The following GRK6 variants were observed in gnomAD, a reference collection of about 807,000 sequenced individuals.
GRK6 encodes the protein G protein-coupled receptor kinase 6.
GRK6 carries 37 observed loss-of-function variants against 80.8 expected under a neutral mutation model. The observed-to-expected ratio is 0.46, with a 90% confidence interval of 0.35 to 0.60. The LOEUF (loss-of-function observed/expected upper bound fraction) is 0.60, where lower values mean the gene tolerates loss of function less well. Ranked by LOEUF, GRK6 falls within the 20% of genes least tolerant of loss-of-function variation. The pLI is 0.00. For missense variants in GRK6, 560 were observed against 784.6 expected (o/e 0.71, Z 3.42); for synonymous variants, 295 against 320.9 (o/e 0.92, Z 0.86).
At position 177,441,012 on chromosome 5, in the gene GRK6, C is replaced by T; in HGVS notation, c.1636C>T (p.Pro546Ser). Residue 546 changes from proline to serine, a missense_variant, in exon 15 of 16, where the codon CCT becomes TCT. Coordinates refer to ENST00000355472, the MANE Select transcript of GRK6 (RefSeq NM_001004106.3). Reference protein sequence around the residue: ...DLDWKGQPPAPPKKGLLQRLF... With the variant: ...DLDWKGQPPASPKKGLLQRLF... ...GGACTGGAAGGGCCAGCCACCTGCACCTCCTAAAAAGGGACTGCTGCAGAG... is the reference window on the plus strand; with the variant it reads ...GGACTGGAAGGGCCAGCCACCTGCATCTCCTAAAAAGGGACTGCTGCAGAG... 1 of 1,614,062 alleles carries T rather than the reference C, an allele frequency of 6.2e-7. No individual in the cohort carries two copies. The highest frequency in any genetic ancestry group is 1.3e-5 in the African/African-American group (1 of 75,062).
intron 13 of GRK6, chr5:177,438,993 CTT>C (rs1764320179): frequency 1.3e-5 from 2 of 152,244 alleles, no homozygotes; most frequent in South Asian, 4.1e-4. Flanking sequence ...GAGAGCCTGA[CTT>C]TCATCAGCTC....
chr5:177,436,334 T>TTGCCGC, intron 12 of GRK6, 53 bp downstream of exon 12: 1 of 1,556,032 alleles, frequency 6.4e-7, no homozygotes, highest in Non-Finnish European at 8.8e-7. Context: ...GATGCACCTT[T>TTGCCGC]CCCTCCCTCC....
chr5:177,442,192 C>CA lies in GRK6; in HGVS notation c.*403dup, dbSNP rs1021336744. On this transcript the variant is annotated 3_prime_UTR_variant, in exon 16 of 16. Transcript: ENST00000355472. ...TGCCAAACTCAAGGCTCCTCTGGCC[C>CA]AGCTTGGATGGCTGAGGGTGGTCAC... 6.1e-5 allele frequency: 15 copies of CA among 246,478 alleles called. No individual in the cohort carries two copies. The highest frequency in any genetic ancestry group is 8.7e-5 in the Non-Finnish European group (11 of 126,816). The allele number at this position is 246,478 out of a possible 1,614,324, so 15.3% of individuals were successfully genotyped here. A position where few individuals can be genotyped will look rare whatever the true frequency, so the allele number is the denominator to read the frequency against.
Position 177,429,453 on chromosome 5 carries a change from G to A in GRK6, c.53-1419G>A, listed in dbSNP as rs910783676. Among the ~76,000 whole-genome samples the A allele has an allele frequency of 5.3e-5, 8 of 152,164 alleles. No individual in the cohort carries two copies. The highest frequency in any genetic ancestry group is 9.7e-5 in the African/African-American group (4 of 41,434). ...GGTTGGGTGAGGGACCTGTGGGTGT[G>A]GGGGAGGAGTTCCCCTTCTGGGAAG... On this transcript the variant is annotated intron_variant, in intron 1 of 15. Coordinates refer to ENST00000355472, the MANE Select transcript of GRK6 (RefSeq NM_001004106.3). This position sits in a 1 kb window ranked among gnomAD's most constrained non-coding sequence, Gnocchi z 4.3.
In GRK6 at chr5:177,428,421, C is replaced by T. The variant is rs183467754; in HGVS notation, c.52+1524C>T. On this transcript the variant is annotated intron_variant, in intron 1 of 15. Transcript: ENST00000355472. This position sits in a 1 kb window ranked among gnomAD's most constrained non-coding sequence, Gnocchi z 4.1. ...GAACCCTTACGACAACCTGGCTCTG[C>T]CCCTCCCACCTGCATGGCTTTTTTT... Among the ~76,000 whole-genome samples, 246 of 152,332 alleles carry T rather than the reference C, an allele frequency of 1.6e-3. 1 individual carries two copies. Among genetic ancestry groups the T allele is most frequent in the South Asian group, 5.0e-3 (24 of 4,826 alleles).
Position 177,434,033 on chromosome 5 carries a change from G to A in GRK6, c.858G>A (p.Ala286=), listed in dbSNP as rs768994776. The A allele has an allele frequency of 4.0e-5, 65 of 1,611,730 alleles. No homozygotes were observed. The highest frequency in any genetic ancestry group is 1.6e-4 in the Middle Eastern group (1 of 6,076). Residue 286 remains alanine (A), a synonymous_variant, in exon 9 of 16, where the codon GCG becomes GCA. Transcript: ENST00000355472. The part of the protein sequence containing the change: ...YHMGQAGFPE[A]RAVFYAAEIC... ...TGGGCCAGGCTGGCTTCCCCGAAGC[G>A]CGGGCCGTCTTCTACGCCGCCGAGA...
At position 177,430,900 on chromosome 5, in the gene GRK6, C is replaced by T. The variant is rs776129068; in HGVS notation, c.81C>T (p.Ser27=). The change falls in exon 2 of 16, where the codon AGC becomes AGT. Residue 27 remains serine, a synonymous_variant. Coordinates refer to ENST00000355472, the MANE Select transcript of GRK6 (RefSeq NM_001004106.3). ...GCGGTGGAAATCGCAAAGGCAAAAGCAAGAAATGGCGGCAGATGCTCCAGT... is the reference window on the plus strand; with the variant it reads ...GCGGTGGAAATCGCAAAGGCAAAAGTAAGAAATGGCGGCAGATGCTCCAGT... ...EGGGGNRKGK[S]KKWRQMLQFP... The T allele has an allele frequency of 1.9e-6, 3 of 1,614,116 alleles. No homozygotes were observed. In the South Asian group the frequency reaches 3.3e-5, roughly 18 times the overall value.
rs186690107 is a variant in GRK6, at chr5:177,442,610, A to G, written c.*820A>G. Reference sequence around the variant, plus strand: ...GGACTCCCCTCATAACAATAGACACATGTGCCCAGCAATAATCCGCCCCTT... The same window carrying G: ...GGACTCCCCTCATAACAATAGACACGTGTGCCCAGCAATAATCCGCCCCTT... On this transcript the variant is annotated 3_prime_UTR_variant, in exon 16 of 16. Transcript: ENST00000355472. 695 of 152,746 alleles carry G rather than the reference A, an allele frequency of 4.6e-3. 1 individual carries two copies. Among genetic ancestry groups the G allele is most frequent in the Non-Finnish European group, 8.6e-3 (587 of 68,150 alleles). 9.5% of individuals were successfully genotyped at this position (152,746 alleles called of 1,614,324 possible). A position where few individuals can be genotyped will look rare whatever the true frequency, so the allele number is the denominator to read the frequency against.
chr5:177,430,421 C>T (rs1218755484), intron 1 of GRK6, among the ~76,000 whole-genome samples: 1 of 152,182 alleles, frequency 6.6e-6, no homozygotes, highest in Non-Finnish European at 1.5e-5. Context: ...TGATGTGGGG[C>T]CTGGTGATAG....
rs1415034027 is a variant in GRK6 at position 177,428,961 on chromosome 5, G to T, written c.53-1911G>T. 6.6e-6 allele frequency among the ~76,000 whole-genome samples: 1 copy of T among 152,132 alleles called. No homozygotes were observed. Among genetic ancestry groups the T allele is most frequent in the Non-Finnish European group, 1.5e-5 (1 of 68,018 alleles). On this transcript the variant is annotated intron_variant, in intron 1 of 15. Transcript: ENST00000355472. The surrounding 1 kb of genome is among the most constrained non-coding windows in gnomAD (Gnocchi z 4.1). ...CAGGTGGGGTTTGGGAACCCTTGGT[G>T]TGTGTATACAGTTGGCACCTAATAG... is the stretch of plus-strand genomic sequence containing the variant.
At chr5:177,434,487 G>A (rs1373852406) in intron 9 of GRK6, among the ~76,000 whole-genome samples, 1 of 152,228 alleles carries the variant, frequency 6.6e-6, no homozygotes, top group African/African-American at 2.4e-5. Flanking sequence ...AGAGTGCCTG[G>A]CACATGGGGC....
chr5:177,433,117 G>A lies in GRK6; in HGVS notation c.441-30G>A, dbSNP rs367877075. On this transcript the variant is annotated intron_variant, in intron 5 of 15. Coordinates refer to ENST00000355472, the MANE Select transcript of GRK6 (RefSeq NM_001004106.3). ...AGAGCCTGAGGTGTCAGGGGCTGGC[G>A]GGTGAGCTGGGCCTGCCTTTCCTCA... The A allele has an allele frequency of 1.6e-4, 247 of 1,587,170 alleles. 1 individual carries two copies. Among genetic ancestry groups the A allele is most frequent in the Admixed American group, 1.1e-3 (68 of 59,968 alleles).
At chr5:177,437,599 C>T (rs1764222211) in intron 13 of GRK6, among the ~76,000 whole-genome samples, 1 of 152,222 alleles carries the variant, frequency 6.6e-6, no homozygotes. Context: ...CTCACTTAAG[C>T]TCACCGTGGA....
At chr5:177,433,819 G>T (rs948089576) in intron 8 of GRK6, 95 bp from the exon 9 acceptor site, 3 of 1,491,880 alleles carry the variant, frequency 2.0e-6, no homozygotes, top group Non-Finnish European at 2.7e-6. Flanking sequence ...AGCAGGCTGG[G>T]CCCAAGGAGT....
Position 177,441,212 on chromosome 5 carries a change from T to G in GRK6, c.1677+159T>G, listed in dbSNP as rs201908732. ...CTCATTCCCGCCTGTCCCCCACCCC[T>G]GGCTGGGCTCATGGCCTCTTTTCTC... On this transcript the variant is annotated intron_variant, in intron 15 of 15. Coordinates refer to ENST00000355472, the MANE Select transcript of GRK6 (RefSeq NM_001004106.3). The G allele has an allele frequency of 6.0e-4, 900 of 1,498,294 alleles. 1 individual carries two copies. The African/African-American group carries it at 0.011, about 18-fold the overall frequency. The allele number at this position is 1,498,294 out of a possible 1,614,324, so 92.8% of individuals were successfully genotyped here. A position where few individuals can be genotyped will look rare whatever the true frequency, so the allele number is the denominator to read the frequency against.
rs1482136583 is a variant in GRK6 at position 177,435,145 on chromosome 5, C to G, written c.1057+24C>G. ...GGGTGAGTCTTCTCTGCCCGGCCCACTAGCCTCCTGGGTTCCCTCACTATC... is the reference window on the plus strand; with the variant it reads ...GGGTGAGTCTTCTCTGCCCGGCCCAGTAGCCTCCTGGGTTCCCTCACTATC... On this transcript the variant is annotated intron_variant, in intron 11 of 15. Transcript: ENST00000355472. 4.5e-6 allele frequency: 7 copies of G among 1,554,138 alleles called. No individual in the cohort carries two copies. In the African/African-American group the frequency reaches 6.8e-5, roughly 15 times the overall value.
At chr5:177,434,964 TCAGGG>T in intron 10 of GRK6, 25 bp downstream of exon 10, 1 of 1,439,068 alleles carries the variant, frequency 6.9e-7, no homozygotes, top group East Asian at 2.3e-5. Flanking sequence ...CTGGGGTGGG[TCAGGG>T]TGGGGTGAGA....
chr5:177,427,562 A>G (rs1763724382), intron 1 of GRK6, among the ~76,000 whole-genome samples: 1 of 152,176 alleles, frequency 6.6e-6, no homozygotes, highest in Non-Finnish European at 1.5e-5. Flanking sequence ...AGTCTGGTGG[A>G]CCGAGTGTGT....
At chr5:177,433,863 G>T (rs746550425) in intron 8 of GRK6, 51 bp from the exon 9 acceptor site, 17 of 1,510,154 alleles carry the variant, frequency 1.1e-5, no homozygotes, top group Non-Finnish European at 1.3e-5. Context: ...CAGCCCTGCC[G>T]CCAAGCGCCC....
Sources: gnomAD v4.1 joint callset for allele counts (sites outside exome capture counted in the v4.1 genomes callset) on GRCh38, gnomAD v4.1.1 for gene constraint, Gnocchi (gnomAD v3.1) non-coding constraint, MANE v1.5 for transcripts, NCBI Gene and HGNC (gene_info 2026-07-23, HGNC 2026-07-21) for gene names.